The following FGFR1 variants were observed in gnomAD, a reference collection of about 807,000 sequenced individuals.
The protein encoded by FGFR1 is fibroblast growth factor receptor 1.
In FGFR1, 18 loss-of-function variants were observed where a neutral mutation model predicts 93.7. That is an observed-to-expected ratio of 0.19 (90% confidence interval 0.13 to 0.28). The LOEUF (loss-of-function observed/expected upper bound fraction) is 0.28. Among genes scored for constraint, FGFR1 ranks in the 10% least tolerant of loss-of-function variants. The pLI is 1.00. For missense variants in FGFR1, 731 were observed against 1,080.4 expected, an observed-to-expected ratio of 0.68 and a Z score of 4.53; for synonymous variants, 448 against 429.3, an observed-to-expected ratio of 1.04 and a Z score of -0.54.
At chr8:38,430,998 T>C (rs546320749) in intron 2 of FGFR1, among the ~76,000 whole-genome samples, 2 of 152,302 alleles carry the variant, frequency 1.3e-5, no homozygotes, top group South Asian at 2.1e-4. Flanking sequence ...TTCTATTTCC[T>C]TTTAGGATGT....
At chr8:38,459,689 T>C (rs899169983) in intron 1 of FGFR1, among the ~76,000 whole-genome samples, 1 of 152,176 alleles carries the variant, frequency 6.6e-6, no homozygotes, top group Non-Finnish European at 1.5e-5. Flanking sequence ...AGTACTTTAC[T>C]CAAGGAAATG....
chr8:38,411,450 C>T lies in FGFR1; in HGVS notation c.*2178G>A. 1 of 225,392 alleles carries T rather than the reference C, an allele frequency of 4.4e-6. No homozygotes were observed. 14.0% of individuals were successfully genotyped at this position (225,392 alleles called of 1,614,324 possible). On this transcript the variant is annotated 3_prime_UTR_variant, in exon 18 of 18. Transcript: ENST00000447712. ...AGTTCTGTTCACCAAATGATGCCTTCTTTAAACATAAATACAAATTGTAAT... is the reference window on the plus strand; with the variant it reads ...AGTTCTGTTCACCAAATGATGCCTTTTTTAAACATAAATACAAATTGTAAT...
intron 1 of FGFR1, chr8:38,465,962 A>G: frequency 4.4e-6 from 1 of 228,738 alleles, no homozygotes; most frequent in Non-Finnish European, 8.7e-6. Context: ...AAAGAAGGAA[A>G]CCAGAGAAGT....
At chr8:38,434,359 A>T (rs1383366571) in intron 2 of FGFR1, 2 of 251,782 alleles carry the variant, frequency 7.9e-6, no homozygotes, top group Non-Finnish European at 1.6e-5. Flanking sequence ...AACAACCGCT[A>T]ATCAGTTTAT....
chr8:38,457,653 T>C, intron 1 of FGFR1, 119 bp from the exon 2 acceptor site: 1 of 980,830 alleles, frequency 1.0e-6, no homozygotes, highest in Non-Finnish European at 1.5e-6. Context: ...TACTAAGGCG[T>C]CCAGAAGAAA....
At chr8:38,438,967 G>T (rs1340515763) in intron 2 of FGFR1, among the ~76,000 whole-genome samples, 1 of 152,132 alleles carries the variant, frequency 6.6e-6, no homozygotes, top group South Asian at 2.1e-4. Flanking sequence ...TCCTGCCCCT[G>T]CGAGTCCAGC....
At position 38,440,926 on chromosome 8, in the gene FGFR1, G is replaced by A. The variant is rs956447015; in HGVS notation, c.92-10978C>T. ...GCCATGGCCATTCAGCAGCCCAGGGGCTTGGGGCCCAGAGTTTTGTTTTGT... is the reference window on the plus strand; with the variant it reads ...GCCATGGCCATTCAGCAGCCCAGGGACTTGGGGCCCAGAGTTTTGTTTTGT... On this transcript the variant is annotated intron_variant, in intron 2 of 17. Coordinates refer to ENST00000447712, the MANE Select transcript of FGFR1 (RefSeq NM_023110.3). Among the ~76,000 whole-genome samples the A allele has an allele frequency of 7.2e-5, 11 of 152,308 alleles. No individual in the cohort carries two copies. The East Asian group carries it at 1.7e-3, about 24-fold the overall frequency.
intron 2 of FGFR1, among the ~76,000 whole-genome samples, chr8:38,437,612 G>A (rs1825875764): frequency 6.6e-6 from 1 of 152,192 alleles, no homozygotes; most frequent in Non-Finnish European, 1.5e-5. Context: ...AGAATGAAGT[G>A]CTTACAGGCA....
chr8:38,463,821 G>A (rs1448552304), intron 1 of FGFR1, among the ~76,000 whole-genome samples: 2 of 152,142 alleles, frequency 1.3e-5, no homozygotes, highest in African/African-American at 4.8e-5. Context: ...ATGAGAATAA[G>A]ACTTATTTCT....
intron 2 of FGFR1, among the ~76,000 whole-genome samples, chr8:38,440,079 TA>T (rs1826861751): frequency 6.6e-6 from 1 of 151,884 alleles, no homozygotes; most frequent in Admixed American, 6.6e-5. Flanking sequence ...AGAGAAAGGC[TA>T]AACTCCTCAG....
intron 8 of FGFR1, chr8:38,420,399 A>G (rs950702554): frequency 6.6e-6 from 1 of 152,302 alleles, no homozygotes; most frequent in Non-Finnish European, 1.5e-5. Context: ...ACCACAGGCA[A>G]AGCTGACTTA....
At chr8:38,431,347 C>A (rs760313121) in intron 2 of FGFR1, among the ~76,000 whole-genome samples, 105 of 152,204 alleles carry the variant, frequency 6.9e-4, no homozygotes, top group African/African-American at 2.5e-3. Flanking sequence ...CACTGAAGGG[C>A]AGTCCTCTTT....
At chr8:38,448,663 G>A (rs1485747733) in intron 2 of FGFR1, among the ~76,000 whole-genome samples, 1 of 151,296 alleles carries the variant, frequency 6.6e-6, no homozygotes, top group Non-Finnish European at 1.5e-5. Flanking sequence ...TAGAATGAAA[G>A]TTAAAAAGAG....
rs544227559 is a variant in FGFR1 at position 38,426,635 on chromosome 8, G to A, written c.622-390C>T. On this transcript the variant is annotated intron_variant, in intron 5 of 17. Transcript: ENST00000447712. The surrounding 1 kb of genome is among the most constrained non-coding windows in gnomAD (Gnocchi z 4.1). ...ACCATCTCCTCCAGTCCAGTCTCTG[G>A]TCAGAACTGTGCTCACCCTTTCCTC... Among the ~76,000 whole-genome samples the A allele has an allele frequency of 3.6e-4, 55 of 152,296 alleles. No homozygotes were observed. Among genetic ancestry groups the A allele is most frequent in the Middle Eastern group, 3.4e-3 (1 of 294 alleles).
chr8:38,448,371 G>T (rs55870128), intron 2 of FGFR1, among the ~76,000 whole-genome samples: 1 of 149,828 alleles, frequency 6.7e-6, no homozygotes, highest in Non-Finnish European at 1.5e-5. Flanking sequence ...CTTCCGCCTC[G>T]CGGGTTCAAG....
At chr8:38,434,487 T>C (rs527827195) in intron 2 of FGFR1, 2 of 395,832 alleles carry the variant, frequency 5.1e-6, no homozygotes, top group East Asian at 1.1e-4. Context: ...AGTGGGTAGC[T>C]TGTGGATTCT....
Position 38,426,077 on chromosome 8 carries a change from C to T in FGFR1, c.745+45G>A. The T allele has an allele frequency of 6.2e-7, 1 of 1,613,490 alleles. No individual in the cohort carries two copies. The highest frequency in any genetic ancestry group is 8.5e-7 in the Non-Finnish European group (1 of 1,179,900). ...CCCCGGCTGTGTTCTCCAAGCCTGG[C>T]TCTTCCCACTAAACTCATTCCTCCT... On this transcript the variant is annotated intron_variant, in intron 6 of 17. Transcript: ENST00000447712. This position sits in a 1 kb window ranked among gnomAD's most constrained non-coding sequence, Gnocchi z 4.1.
intron 2 of FGFR1, among the ~76,000 whole-genome samples, chr8:38,452,256 CA>C (rs1192515051): frequency 6.6e-6 from 1 of 151,108 alleles, no homozygotes; most frequent in African/African-American, 2.4e-5. Context: ...CTTAAAATCA[CA>C]GCAAGGCCTT....
Position 38,417,952 on chromosome 8 carries a change from C to A in FGFR1, c.1470G>T (p.Gly490=), listed in dbSNP as rs1236513530. The A allele has an allele frequency of 6.2e-7, 1 of 1,614,188 alleles. No individual in the cohort carries two copies. The highest frequency in any genetic ancestry group is 2.2e-5 in the East Asian group (1 of 44,888). Residue 490 remains glycine, a synonymous_variant, in exon 11 of 18, where the codon GGG becomes GGT. Coordinates refer to ENST00000447712, the MANE Select transcript of FGFR1 (RefSeq NM_023110.3). ...LGKPLGEGCF[G]QVVLAEAIGL... ...CGATAGCCTCTGCCAACACCACCTGCCCAAAGCAGCCCTCTCCCAGGGGTT... is the reference window on the plus strand; with the variant it reads ...CGATAGCCTCTGCCAACACCACCTGACCAAAGCAGCCCTCTCCCAGGGGTT...
Sources: allele counts gnomAD v4.1 joint callset (sites outside exome capture counted in the v4.1 genomes callset), GRCh38; gene constraint gnomAD v4.1.1; non-coding constraint Gnocchi (gnomAD v3.1); transcripts MANE v1.5; gene names NCBI Gene and HGNC (gene_info 2026-07-23, HGNC 2026-07-21).